Variants in AMMECR1L observed in about 807,000 individuals in gnomAD.
AMMECR1L encodes the protein AMMECR1 like, also known as AMMECR1-like protein.
AMMECR1L carries 4 observed loss-of-function variants against 36.8 expected under a neutral mutation model. The ratio of observed to expected loss-of-function variants is 0.11; its 90% confidence interval spans 0.05 to 0.25. AMMECR1L has a LOEUF of 0.25. Among genes scored for constraint, AMMECR1L ranks in the 10% least tolerant of loss-of-function variants. AMMECR1L has a pLI of 1.00. For missense variants in AMMECR1L, 232 were observed against 392.1 expected (o/e 0.59, Z 3.45); for synonymous variants, 147 against 148.0 (o/e 0.99, Z 0.05).
rs766030054 is a variant in AMMECR1L at position 127,865,105 on chromosome 2, G to A, written c.922C>T (p.His308Tyr). 6 of 1,613,372 alleles carry A rather than the reference G, an allele frequency of 3.7e-6. No homozygotes were observed. Residue 308 changes from histidine (H) to tyrosine (Y), a missense_variant, in exon 8 of 8, where the codon CAT becomes TAT. Transcript: ENST00000272647. The surrounding 1 kb of genome is among the most constrained non-coding windows in gnomAD (Gnocchi z 5.4). ...CATGCAGCCGTGTGTCAGGAGTAATGATTGTAGAGGGGCGGGGCATGAAGA... is the reference window on the plus strand; with the variant it reads ...CATGCAGCCGTGTGTCAGGAGTAATAATTGTAGAGGGGCGGGGCATGAAGA... ...GTLHAPPLYN[H>Y]YS
At chr2:127,884,509 C>G (rs1455384713) in intron 1 of AMMECR1L, among the ~76,000 whole-genome samples, 197 bp from the exon 2 acceptor site, 1 of 152,120 alleles carries the variant, frequency 6.6e-6, no homozygotes, top group Non-Finnish European at 1.5e-5. Context: ...GTCCCATGCC[C>G]TGAATCATCT....
intron 2 of AMMECR1L, among the ~76,000 whole-genome samples, chr2:127,877,520 G>A (rs1691304479): frequency 1.3e-5 from 2 of 152,024 alleles, no homozygotes; most frequent in African/African-American, 4.8e-5. Context: ...ATTTTTAGTA[G>A]AGATGGTGTT....
At chr2:127,879,425 C>T (rs1024781872) in intron 2 of AMMECR1L, among the ~76,000 whole-genome samples, 2 of 152,184 alleles carry the variant, frequency 1.3e-5, no homozygotes, top group East Asian at 1.9e-4. Flanking sequence ...CTTTGCCTTC[C>T]GCCATGAGTA....
chr2:127,871,452 A>G lies in AMMECR1L; in HGVS notation c.408-93T>C. 9 of 1,283,172 alleles carry G rather than the reference A, an allele frequency of 7.0e-6. No individual in the cohort carries two copies. The highest frequency in any genetic ancestry group is 9.7e-6 in the Non-Finnish European group (9 of 923,290). The allele number at this position is 1,283,172 out of a possible 1,614,324, so 79.5% of individuals were successfully genotyped here. On this transcript the variant is annotated intron_variant, in intron 3 of 7. Transcript: ENST00000272647. This position sits in a 1 kb window ranked among gnomAD's most constrained non-coding sequence, Gnocchi z 4.3. Reference sequence around the variant, plus strand: ...GGCTTTGTCCCTATTCATTTCTGTTATTGCCAAAAATCCCTGTTTTTGGAC... The same window carrying G: ...GGCTTTGTCCCTATTCATTTCTGTTGTTGCCAAAAATCCCTGTTTTTGGAC...
At chr2:127,877,340 T>G (rs888471742) in intron 2 of AMMECR1L, among the ~76,000 whole-genome samples, 7 of 150,946 alleles carry the variant, frequency 4.6e-5, no homozygotes, top group Non-Finnish European at 7.4e-5. Flanking sequence ...GCTAGAATTT[T>G]TTTTTTTTTT....
chr2:127,873,254 A>C lies in AMMECR1L; in HGVS notation c.407+574T>G, dbSNP rs1382792092. The C allele has an allele frequency of 1.0e-6, 1 of 985,384 alleles. No homozygotes were observed. The highest frequency in any genetic ancestry group is 6.1e-5 in the Admixed American group (1 of 16,274). 61.0% of individuals were successfully genotyped at this position (985,384 alleles called of 1,614,324 possible). On this transcript the variant is annotated intron_variant, in intron 3 of 7. Transcript: ENST00000272647. This position sits in a 1 kb window ranked among gnomAD's most constrained non-coding sequence, Gnocchi z 5.2. ...TTTATACATATTGCTTATTTAAGTC[A>C]CTGAGACCAGTAGAGGGCTTGGGAC...
chr2:127,881,752 C>T lies in AMMECR1L; in HGVS notation c.-39+2451G>A, dbSNP rs1573565576. On this transcript the variant is annotated intron_variant, in intron 2 of 7. Coordinates refer to ENST00000272647, the MANE Select transcript of AMMECR1L (RefSeq NM_001199140.2). The stretch of plus-strand genomic sequence containing the variant: ...AAAATAACACAGCTCTGAGTGCTTA[C>T]AATTTCTAGAGGAATAATGCCCTCC... Among the ~76,000 whole-genome samples the T allele has an allele frequency of 2.6e-5, 4 of 152,342 alleles. No homozygotes were observed. The South Asian group carries it at 8.3e-4, about 32-fold the overall frequency.
rs781017446 is a variant in AMMECR1L, at chr2:127,865,061, A to G, written c.*33T>C. 3 of 1,531,766 alleles carry G rather than the reference A, an allele frequency of 2.0e-6. No homozygotes were observed. The South Asian group carries it at 3.4e-5, about 17-fold the overall frequency. The allele number at this position is 1,531,766 out of a possible 1,614,324, so 94.9% of individuals were successfully genotyped here. On this transcript the variant is annotated 3_prime_UTR_variant, in exon 8 of 8. Coordinates refer to ENST00000272647, the MANE Select transcript of AMMECR1L (RefSeq NM_001199140.2). This position sits in a 1 kb window ranked among gnomAD's most constrained non-coding sequence, Gnocchi z 5.4. Reference sequence around the variant, plus strand: ...AATGATGTCATAGCCATTGGTGGCCACGGGGGGGTGGGACTGGTCATGCAG... The same window carrying G: ...AATGATGTCATAGCCATTGGTGGCCGCGGGGGGGTGGGACTGGTCATGCAG...
intron 3 of AMMECR1L, among the ~76,000 whole-genome samples, chr2:127,872,097 G>C (rs1281878900): frequency 1.3e-5 from 2 of 149,774 alleles, no homozygotes; most frequent in Non-Finnish European, 3.0e-5. Flanking sequence ...GCTGAGGTGG[G>C]AGAATCACTT....
intron 2 of AMMECR1L, among the ~76,000 whole-genome samples, chr2:127,878,483 A>G (rs888982942): frequency 2.6e-5 from 4 of 151,324 alleles, no homozygotes; most frequent in Admixed American, 6.6e-5. Flanking sequence ...CCACACCTGA[A>G]GGAAAAGCTA....
intron 2 of AMMECR1L, among the ~76,000 whole-genome samples, chr2:127,882,810 A>T (rs1691570009): frequency 6.6e-6 from 1 of 151,458 alleles, no homozygotes; most frequent in Admixed American, 6.6e-5. Context: ...TTATGTTACT[A>T]AGCTGGTTTT....
intron 2 of AMMECR1L, among the ~76,000 whole-genome samples, chr2:127,882,029 A>AATTTG (rs1237597848): frequency 1.3e-5 from 2 of 152,216 alleles, no homozygotes; most frequent in Non-Finnish European, 2.9e-5. Context: ...ATAGAGACTA[A>AATTTG]ATTTGCTTAA....
chr2:127,881,545 G>A (rs377212128), intron 2 of AMMECR1L, among the ~76,000 whole-genome samples: 17 of 152,100 alleles, frequency 1.1e-4, no homozygotes, highest in Non-Finnish European at 8.8e-5. Flanking sequence ...TACCAGCTAC[G>A]CAACTCAGGC....
intron 2 of AMMECR1L, among the ~76,000 whole-genome samples, chr2:127,880,029 G>A (rs1030519052): frequency 6.6e-6 from 1 of 152,162 alleles, no homozygotes; most frequent in Non-Finnish European, 1.5e-5. Flanking sequence ...GAAGCCAGGC[G>A]CAGGAGCTCA....
intron 2 of AMMECR1L, among the ~76,000 whole-genome samples, chr2:127,878,351 A>T (rs539097099): frequency 6.6e-6 from 1 of 152,282 alleles, no homozygotes; most frequent in South Asian, 2.1e-4. Context: ...ATTCCCAGAG[A>T]GCTGGTGTTT....
intron 2 of AMMECR1L, among the ~76,000 whole-genome samples, chr2:127,878,873 T>C (rs2104774277): frequency 6.6e-6 from 1 of 152,314 alleles, no homozygotes; most frequent in South Asian, 2.1e-4. Context: ...ATTTTCTGCA[T>C]CAAAAATATA....
rs1172837131 is a variant in AMMECR1L, at chr2:127,885,063, G to A, written c.-149+747C>T. 3 of 650,638 alleles carry A rather than the reference G, an allele frequency of 4.6e-6. No individual in the cohort carries two copies. In the African/African-American group the frequency reaches 6.2e-5, roughly 13 times the overall value. The allele number at this position is 650,638 out of a possible 1,614,324, so 40.3% of individuals were successfully genotyped here. A position where few individuals can be genotyped will look rare whatever the true frequency, so the allele number is the denominator to read the frequency against. ...AGGACAGGGAATGTAGGAGGGCAAG[G>A]AGTGAAGGGCACAACCCACAGCCTG... On this transcript the variant is annotated intron_variant, in intron 1 of 7. Transcript: ENST00000272647.
intron 6 of AMMECR1L, chr2:127,867,248 C>T (rs1690729809): frequency 1.0e-6 from 1 of 985,374 alleles, no homozygotes; most frequent in Non-Finnish European, 1.2e-6. Context: ...CTCCTGCGTC[C>T]TTCCTGTCAG....
At position 127,865,728 on chromosome 2, in the gene AMMECR1L, G is replaced by T. The variant is rs1196795730; in HGVS notation, c.822-523C>A. On this transcript the variant is annotated intron_variant, in intron 7 of 7. Transcript: ENST00000272647. This position sits in a 1 kb window ranked among gnomAD's most constrained non-coding sequence, Gnocchi z 5.4. ...GCTGAAGCAGGTTAAAGGATCCTTG[G>T]GGCTATATAGGTCTCACTCCCCAGA... 6.6e-6 allele frequency among the ~76,000 whole-genome samples: 1 copy of T among 152,212 alleles called. No individual in the cohort carries two copies. Among genetic ancestry groups the T allele is most frequent in the African/African-American group, 2.4e-5 (1 of 41,446 alleles).
Sources: allele counts gnomAD v4.1 joint callset (sites outside exome capture counted in the v4.1 genomes callset), GRCh38; gene constraint gnomAD v4.1.1; non-coding constraint Gnocchi (gnomAD v3.1); transcripts MANE v1.5; gene names NCBI Gene and HGNC (gene_info 2026-07-23, HGNC 2026-07-21).